The following ITPR2 variants were observed in gnomAD, a reference collection of about 807,000 sequenced individuals.
The protein encoded by ITPR2 is inositol 1,4,5-trisphosphate-gated calcium channel ITPR2.
Under a neutral mutation model 317.1 loss-of-function variants are expected in ITPR2, and 207 were observed. The observed-to-expected ratio is 0.65, with a 90% CI of 0.58 to 0.73. The LOEUF is 0.73. Among genes scored for constraint, ITPR2 ranks in the 30% least tolerant of loss-of-function variants. ITPR2 has a pLI of 0.00. For synonymous variants in ITPR2, 1,156 were observed against 1,149.1 expected, an observed-to-expected ratio of 1.01 and a Z score of -0.12; for missense variants, 2,613 against 3,284.0, an observed-to-expected ratio of 0.80 and a Z score of 4.99.
intron 13 of ITPR2, among the ~76,000 whole-genome samples, chr12:26,678,925 C>T (rs1037757490): frequency 3.9e-5 from 6 of 152,192 alleles, no homozygotes; most frequent in Admixed American, 6.5e-5. Flanking sequence ...CTGTCCTTTT[C>T]TTCAAGGAAT....
intron 52 of ITPR2, among the ~76,000 whole-genome samples, chr12:26,404,795 C>T (rs1940294750): frequency 6.6e-6 from 1 of 152,078 alleles, no homozygotes; most frequent in Admixed American, 6.6e-5. Flanking sequence ...AATGGTCCAG[C>T]TGATGGTGGC....
At chr12:26,388,125 GC>G (rs1939717986) in intron 54 of ITPR2, among the ~76,000 whole-genome samples, 1 of 152,234 alleles carries the variant, frequency 6.6e-6, no homozygotes, top group African/African-American at 2.4e-5. Flanking sequence ...GACTATGCCA[GC>G]CCTCTAGGGT....
At position 26,419,057 on chromosome 12, in the gene ITPR2, T is replaced by C; in HGVS notation, c.7102A>G (p.Ser2368Gly). 6.2e-7 allele frequency: 1 copy of C among 1,613,268 alleles called. No individual in the cohort carries two copies. The highest frequency in any genetic ancestry group is 8.5e-7 in the Non-Finnish European group (1 of 1,179,580). ...CATAGAGATGTACTCACCAGGAAGC[T>C]ATAGAAGAATTCATGGACAAAAAGG... ...LGLFVHEFFY[S>G]FLLFDLVYRE... Residue 2368 changes from serine (S) to glycine (G), a missense_variant, in exon 50 of 57, where the codon AGC (serine) becomes GGC (glycine). Ser to Gly is a moderately conservative substitution (Grantham distance 56, BLOSUM62 0). Coordinates refer to ENST00000381340, the MANE Select transcript of ITPR2 (RefSeq NM_002223.4).
chr12:26,578,863 A>G, intron 33 of ITPR2, 30 bp from the exon 34 acceptor site: 1 of 1,587,518 alleles, frequency 6.3e-7, no homozygotes, highest in Non-Finnish European at 8.6e-7. Flanking sequence ...AGGCAAAAAG[A>G]GATGCTAAAC....
chr12:26,500,920 T>C (rs1396837007), intron 37 of ITPR2, among the ~76,000 whole-genome samples: 1 of 152,208 alleles, frequency 6.6e-6, no homozygotes, highest in Non-Finnish European at 1.5e-5. Context: ...ATTTGAGGTA[T>C]AGCTACCCAC....
At chr12:26,475,855 G>C (rs150761234) in intron 44 of ITPR2, among the ~76,000 whole-genome samples, 1 of 152,180 alleles carries the variant, frequency 6.6e-6, no homozygotes, top group African/African-American at 2.4e-5. Context: ...CGGTGCCATC[G>C]GTCCTAATCC....
At chr12:26,683,352 C>G (rs1948071053) in intron 11 of ITPR2, among the ~76,000 whole-genome samples, 1 of 152,178 alleles carries the variant, frequency 6.6e-6, no homozygotes, top group South Asian at 2.1e-4. Flanking sequence ...ATGCTATAAA[C>G]AAGTGTCCTT....
In ITPR2 at chr12:26,682,463, GTAA is replaced by G. The variant is rs1346527416; in HGVS notation, c.1248+108_1248+110del. The G allele has an allele frequency of 2.3e-4, 163 of 695,358 alleles. 2 individuals are homozygous for G. In the South Asian group the frequency reaches 3.2e-3, roughly 13 times the overall value. The allele number at this position is 695,358 out of a possible 1,614,324, so 43.1% of individuals were successfully genotyped here. On this transcript the variant is annotated intron_variant, in intron 12 of 56. Coordinates refer to ENST00000381340, the MANE Select transcript of ITPR2 (RefSeq NM_002223.4). ...TTGATGAAATTAATTGCAATGATCT[GTAA>G]TATTGGTGAAGATGGAGTATAAGGA...
chr12:26,428,222 G>A (rs760245187), intron 48 of ITPR2, 134 bp from the exon 49 acceptor site: 150 of 532,006 alleles, frequency 2.8e-4, no homozygotes, highest in Middle Eastern at 9.0e-4. Flanking sequence ...CCCCATCTAC[G>A]TTCTTTATAT....
At chr12:26,469,974 G>A (rs1942259645) in intron 45 of ITPR2, among the ~76,000 whole-genome samples, 1 of 152,196 alleles carries the variant, frequency 6.6e-6, no homozygotes, top group Non-Finnish European at 1.5e-5. Context: ...TCCAGGGCCT[G>A]CAAGCCCAAC....
intron 22 of ITPR2, among the ~76,000 whole-genome samples, chr12:26,630,999 A>G (rs188054650): frequency 6.6e-6 from 1 of 152,292 alleles, no homozygotes; most frequent in East Asian, 1.9e-4. Context: ...ATGATTATAA[A>G]TCTAATTACT....
chr12:26,666,135 G>GA (rs1555173862), intron 13 of ITPR2, 84 bp from the exon 14 acceptor site: 27 of 411,884 alleles, frequency 6.6e-5, no homozygotes, highest in African/African-American at 4.7e-4. Context: ...TAGGTAGGTA[G>GA]AGATAGATAG....
At chr12:26,478,544 A>T (rs1942467559) in intron 43 of ITPR2, among the ~76,000 whole-genome samples, 1 of 152,068 alleles carries the variant, frequency 6.6e-6, no homozygotes, top group Non-Finnish European at 1.5e-5. Flanking sequence ...AAATACATCC[A>T]ATTTCAGAAC....
intron 2 of ITPR2, among the ~76,000 whole-genome samples, chr12:26,768,425 T>A (rs201573210): frequency 7.0e-4 from 83 of 118,932 alleles, no homozygotes; most frequent in East Asian, 2.2e-3. Flanking sequence ...AAAAAAAAAT[T>A]AAAAAAAAAT....
intron 2 of ITPR2, among the ~76,000 whole-genome samples, chr12:26,744,214 T>A (rs931823933): frequency 2.1e-4 from 32 of 152,216 alleles, no homozygotes; most frequent in African/African-American, 7.0e-4. Flanking sequence ...CAAGGCCCTA[T>A]ATGAGCTGCT....
At position 26,336,947 on chromosome 12, in the gene ITPR2, T is replaced by C. The variant is rs1319625110; in HGVS notation, c.*2450A>G. On this transcript the variant is annotated 3_prime_UTR_variant, in exon 57 of 57. Coordinates refer to ENST00000381340, the MANE Select transcript of ITPR2 (RefSeq NM_002223.4). ...ATTAGGAATTTGATGTTCTGAAAAG[T>C]GCCTTTTTTGTCTGCTTCGATTTTT... 3 of 150,404 alleles carry C rather than the reference T, an allele frequency of 2.0e-5. No homozygotes were observed. The highest frequency in any genetic ancestry group is 4.4e-5 in the Non-Finnish European group (3 of 67,800). The allele number at this position is 150,404 out of a possible 1,614,324, so 9.3% of individuals were successfully genotyped here.
At chr12:26,633,710 C>CTACAACA in intron 21 of ITPR2, among the ~76,000 whole-genome samples, 1 of 152,304 alleles carries the variant, frequency 6.6e-6, no homozygotes, top group African/African-American at 2.4e-5. Context: ...TGCAGGGAGG[C>CTACAACA]ACATCTGGTT....
chr12:26,642,317 T>C (rs1311577405), intron 21 of ITPR2, among the ~76,000 whole-genome samples: 1 of 152,200 alleles, frequency 6.6e-6, no homozygotes, highest in Admixed American at 6.5e-5. Flanking sequence ...AGATCTCCAA[T>C]GTTGTGAAGT....
chr12:26,768,572 A>AAAT (rs1949778715), intron 2 of ITPR2, among the ~76,000 whole-genome samples: 2 of 9,044 alleles, frequency 2.2e-4, no homozygotes, highest in Admixed American at 2.4e-3. Flanking sequence ...AAATATATAT[A>AAAT]AAAAAAAAAA....
Sources: allele counts gnomAD v4.1 joint callset (sites outside exome capture counted in the v4.1 genomes callset), GRCh38; gene constraint gnomAD v4.1.1; transcripts MANE v1.5; gene names NCBI Gene and HGNC (gene_info 2026-07-23, HGNC 2026-07-21).